The following PCDH15 variants were observed in gnomAD, a reference collection of about 807,000 sequenced individuals.
PCDH15 encodes the protein protocadherin related 15.
In PCDH15, 129 loss-of-function variants were observed where a neutral mutation model predicts 178.5. That is an observed-to-expected ratio of 0.72 (90% CI 0.63 to 0.84). PCDH15 has a LOEUF of 0.84. Among genes scored for constraint, PCDH15 ranks in the 40% least tolerant of loss-of-function variants. PCDH15 has a pLI of 0.00. For synonymous variants in PCDH15, 800 were observed against 732.0 expected, an observed-to-expected ratio of 1.09 and a Z score of -1.50; for missense variants, 2,230 against 2,099.9, an observed-to-expected ratio of 1.06 and a Z score of -1.21.
At chr10:54,521,798 T>C (rs867846271) in intron 3 of PCDH15, among the ~76,000 whole-genome samples, 25 of 152,108 alleles carry the variant, frequency 1.6e-4, no homozygotes, top group African/African-American at 5.6e-4. Context: ...TATTTTTAAA[T>C]AATAAAGTTG....
At chr10:54,478,353 T>C (rs2078435718) in intron 3 of PCDH15, among the ~76,000 whole-genome samples, 1 of 152,126 alleles carries the variant, frequency 6.6e-6, no homozygotes, top group Non-Finnish European at 1.5e-5. Flanking sequence ...AAAAAGACTT[T>C]GAAACCAGTT....
intron 32 of PCDH15, chr10:53,821,452 T>C: frequency 9.8e-7 from 1 of 1,019,288 alleles, no homozygotes; most frequent in Non-Finnish European, 1.2e-6. Flanking sequence ...AACTTATTTG[T>C]AACAGTCTGC....
At chr10:55,547,672 T>C (rs1204219103) in intron 2 of PCDH15, among the ~76,000 whole-genome samples, 1 of 152,088 alleles carries the variant, frequency 6.6e-6, no homozygotes. Flanking sequence ...ACTTTAAAGA[T>C]GGACTGGCCT....
intron 15 of PCDH15, among the ~76,000 whole-genome samples, chr10:54,102,689 T>C (rs956218009): frequency 6.6e-6 from 1 of 152,170 alleles, no homozygotes; most frequent in African/African-American, 2.4e-5. Flanking sequence ...TTTCCTACCA[T>C]AAGAGCCCTC....
At chr10:54,422,906 A>G (rs984451075) in intron 3 of PCDH15, among the ~76,000 whole-genome samples, 1 of 152,192 alleles carries the variant, frequency 6.6e-6, no homozygotes, top group African/African-American at 2.4e-5. Context: ...CTTAAAAAAT[A>G]GAAAACGTAT....
intron 15 of PCDH15, among the ~76,000 whole-genome samples, chr10:54,102,005 T>C (rs1440673085): frequency 6.6e-6 from 1 of 152,044 alleles, no homozygotes; most frequent in Non-Finnish European, 1.5e-5. Context: ...AATAGTAATA[T>C]AAATAAAGTT....
chr10:54,096,809 G>A (rs1441256124), intron 15 of PCDH15, among the ~76,000 whole-genome samples: 1 of 152,108 alleles, frequency 6.6e-6, no homozygotes, highest in African/African-American at 2.4e-5. Context: ...AATTTTGGGG[G>A]AACACAAACA....
chr10:54,716,920 C>A (rs2132438599), intron 1 of PCDH15, among the ~76,000 whole-genome samples: 1 of 147,004 alleles, frequency 6.8e-6, no homozygotes, highest in African/African-American at 2.6e-5. Flanking sequence ...AGATATAAAT[C>A]AATGGAACAG....
At chr10:54,568,275 C>T (rs1451819524) in intron 2 of PCDH15, among the ~76,000 whole-genome samples, 1 of 151,884 alleles carries the variant, frequency 6.6e-6, no homozygotes, top group Non-Finnish European at 1.5e-5. Context: ...CCTTTAGTTC[C>T]TGTCTCTACT....
chr10:54,677,977 T>A (rs929688450), intron 1 of PCDH15, among the ~76,000 whole-genome samples: 6 of 152,320 alleles, frequency 3.9e-5, no homozygotes, highest in African/African-American at 9.6e-5. Context: ...CTTTAGAGTA[T>A]CTTCCTGCCT....
intron 2 of PCDH15, among the ~76,000 whole-genome samples, chr10:55,161,080 G>A (rs1395802604): frequency 6.6e-6 from 1 of 152,050 alleles, no homozygotes; most frequent in Non-Finnish European, 1.5e-5. Context: ...CATAGAGCTC[G>A]TTCCCTGAGG....
intron 7 of PCDH15, among the ~76,000 whole-genome samples, chr10:54,318,547 T>C (rs900399097): frequency 4.6e-5 from 7 of 152,320 alleles, no homozygotes; most frequent in African/African-American, 1.2e-4. Context: ...TTTCCTTAGT[T>C]TTTACTTAAT....
chr10:54,588,851 G>C (rs1329810323), intron 2 of PCDH15, among the ~76,000 whole-genome samples: 2 of 152,044 alleles, frequency 1.3e-5, no homozygotes, highest in Non-Finnish European at 2.9e-5. Context: ...TGGTATTATA[G>C]GCATAAGCCA....
chr10:54,946,572 T>C lies in PCDH15; in HGVS notation c.-79-49072A>G, dbSNP rs559820545. Among the ~76,000 whole-genome samples the C allele has an allele frequency of 6.6e-5, 10 of 151,920 alleles. No homozygotes were observed. In the South Asian group the frequency reaches 2.1e-3, roughly 31 times the overall value. On this transcript the variant is annotated intron_variant, in intron 2 of 5. Coordinates refer to the PCDH15 transcript ENST00000458638. ...CTTTTTAGAAACACAGCTGTGACCA[T>C]ACATTAGGAAACACCCCCGCCCCTG...
At chr10:53,920,346 T>C (rs935974843) in intron 25 of PCDH15, among the ~76,000 whole-genome samples, 1 of 152,108 alleles carries the variant, frequency 6.6e-6, no homozygotes, top group African/African-American at 2.4e-5. Context: ...ATTTGCATCT[T>C]TTAATAAAAA....
At chr10:54,165,015 T>C (rs911814475) in intron 13 of PCDH15, among the ~76,000 whole-genome samples, 3 of 152,206 alleles carry the variant, frequency 2.0e-5, no homozygotes, top group African/African-American at 7.2e-5. Flanking sequence ...TGATTTCTGA[T>C]GGAAAAATGA....
chr10:55,424,017 CAGA>C (rs1437847932), intron 2 of PCDH15, among the ~76,000 whole-genome samples: 1 of 151,966 alleles, frequency 6.6e-6, no homozygotes, highest in Non-Finnish European at 1.5e-5. Flanking sequence ...CACACACAAG[CAGA>C]AGGTCTAATA....
intron 3 of PCDH15, among the ~76,000 whole-genome samples, chr10:54,478,472 A>T (rs1565377347): frequency 6.6e-6 from 1 of 152,150 alleles, no homozygotes; most frequent in African/African-American, 2.4e-5. Context: ...GTTACTATGT[A>T]TTGCCAAGTT....
chr10:55,149,883 G>C (rs983623569), intron 2 of PCDH15, among the ~76,000 whole-genome samples: 1 of 151,974 alleles, frequency 6.6e-6, no homozygotes, highest in Non-Finnish European at 1.5e-5. Flanking sequence ...CAAGAGAATG[G>C]TATGTACATA....
Sources: gnomAD v4.1 joint callset for allele counts (sites outside exome capture counted in the v4.1 genomes callset) on GRCh38, gnomAD v4.1.1 for gene constraint, MANE v1.5 for transcripts, NCBI Gene and HGNC (gene_info 2026-07-23, HGNC 2026-07-21) for gene names.